Variants in RABGEF1 observed in about 807,000 individuals in gnomAD.
The protein encoded by RABGEF1 is RAB guanine nucleotide exchange factor 1.
Under a neutral mutation model 57.3 loss-of-function variants are expected in RABGEF1, and 26 were observed. The observed-to-expected ratio is 0.45, with a 90% CI of 0.33 to 0.63. RABGEF1 has a LOEUF of 0.63. Among genes scored for constraint, RABGEF1 ranks in the 20% least tolerant of loss-of-function variants. The pLI, the probability that RABGEF1 is intolerant of heterozygous loss-of-function variation, is 0.02. For synonymous variants in RABGEF1, 185 were observed against 210.7 expected (o/e 0.88, Z 1.06); for missense variants, 464 against 607.6 (o/e 0.76, Z 2.48).
At chr7:66,661,322 G>T in the RABGEF1 span, among the ~76,000 whole-genome samples, 1 of 105,530 alleles carries the variant, frequency 9.5e-6, no homozygotes, top group East Asian at 2.8e-4. Flanking sequence ...AAAAAATGAG[G>T]GCGTTACTGT....
intron 1 of RABGEF1, among the ~76,000 whole-genome samples, chr7:66,746,035 T>C (rs988537970): frequency 6.6e-5 from 10 of 152,242 alleles, no homozygotes; most frequent in Admixed American, 6.5e-5. Flanking sequence ...CATAGAGCAC[T>C]GTAGAAACAT....
intron 4 of RABGEF1, among the ~76,000 whole-genome samples, chr7:66,793,164 A>G (rs554607876): frequency 6.6e-6 from 1 of 152,278 alleles, no homozygotes; most frequent in Non-Finnish European, 1.5e-5. Flanking sequence ...CTACAGGTTG[A>G]GTATCCCTTA....
At chr7:66,700,291 T>C (rs940432705) in intron 1 of RABGEF1, among the ~76,000 whole-genome samples, 1 of 152,214 alleles carries the variant, frequency 6.6e-6, no homozygotes, top group Admixed American at 6.5e-5. Flanking sequence ...CTCTGCTCAG[T>C]CCTTAAAAGT....
At chr7:66,799,945 T>G (rs952690056) in intron 7 of RABGEF1, among the ~76,000 whole-genome samples, 12 of 152,154 alleles carry the variant, frequency 7.9e-5, no homozygotes, top group Admixed American at 7.9e-4. Context: ...ACACTGCCGT[T>G]CTAGACAGGT....
chr7:66,691,773 G>T (rs73135925), intron 1 of RABGEF1, among the ~76,000 whole-genome samples: 5 of 152,168 alleles, frequency 3.3e-5, no homozygotes, highest in Non-Finnish European at 7.4e-5. Context: ...CTAAGCTAAG[G>T]CTTGGCACCG....
In RABGEF1 at chr7:66,744,667, CAAAAAAAAAA is replaced by C. The variant is rs774941950; in HGVS notation, c.-18+3886_-18+3895del. Among the ~76,000 whole-genome samples the C allele has an allele frequency of 1.3e-3, 89 of 71,044 alleles. 1 individual carries two copies. The South Asian group carries it at 0.025, about 20-fold the overall frequency. 46.6% of individuals were successfully genotyped at this position (71,044 alleles called of 152,430 possible). On this transcript the variant is annotated intron_variant, in intron 1 of 8. Coordinates refer to ENST00000284957, the MANE Select transcript of RABGEF1 (RefSeq NM_014504.3). Reference sequence around the variant, plus strand: ...TGGGCGACAGAGCCAGACTCCGTCTCAAAAAAAAAAAAAAAAAAAAGATGCTTGACGTGAA... The same window carrying C: ...TGGGCGACAGAGCCAGACTCCGTCTCAAAAAAAAAAGATGCTTGACGTGAA...
intron 1 of RABGEF1, among the ~76,000 whole-genome samples, chr7:66,762,249 G>A (rs1222038866): frequency 6.6e-6 from 1 of 152,094 alleles, no homozygotes; most frequent in Non-Finnish European, 1.5e-5. Flanking sequence ...TGGCAGTGAG[G>A]GAGACAGACC....
chr7:66,719,939 GA>G (rs1795815628), intron 2 of RABGEF1, among the ~76,000 whole-genome samples: 1 of 151,924 alleles, frequency 6.6e-6, no homozygotes, highest in African/African-American at 2.4e-5. Context: ...AGTCTTCATG[GA>G]AAAAGATGCA....
rs546361210 is a variant in RABGEF1, at chr7:66,749,363, G to GT, written c.-18+8573dup. 4.1e-3 allele frequency among the ~76,000 whole-genome samples: 630 copies of GT among 152,268 alleles called. 4 individuals are homozygous for GT. The highest frequency in any genetic ancestry group is 0.014 in the African/African-American group (579 of 41,552). On this transcript the variant is annotated intron_variant, in intron 1 of 8. Transcript: ENST00000284957. Reference sequence around the variant, plus strand: ...GTGAAACTGCCCTTGCCTAAATATAGTTATGTAATGCTGTGTTTCCTTAAT... The same window carrying GT: ...GTGAAACTGCCCTTGCCTAAATATAGTTTATGTAATGCTGTGTTTCCTTAAT...
At chr7:66,720,196 T>A (rs1200526088) in intron 2 of RABGEF1, among the ~76,000 whole-genome samples, 5 of 70,470 alleles carry the variant, frequency 7.1e-5, no homozygotes, top group African/African-American at 2.3e-4. Context: ...TTATTATTAT[T>A]TTTTTTTTTT....
At chr7:66,698,322 T>A (rs1285615990) in intron 1 of RABGEF1, among the ~76,000 whole-genome samples, 1 of 152,084 alleles carries the variant, frequency 6.6e-6, no homozygotes, top group African/African-American at 2.4e-5. Flanking sequence ...CTCCCTCTGA[T>A]CAGAACCCCC....
chr7:66,793,276 C>T (rs1421254728), intron 4 of RABGEF1, among the ~76,000 whole-genome samples: 1 of 152,150 alleles, frequency 6.6e-6, no homozygotes, highest in African/African-American at 2.4e-5. Context: ...GACCCAAGTC[C>T]AAACACAGAA....
intron 2 of RABGEF1, among the ~76,000 whole-genome samples, chr7:66,735,178 C>T (rs1390424962): frequency 1.3e-5 from 2 of 152,140 alleles, no homozygotes; most frequent in Non-Finnish European, 2.9e-5. Context: ...CCCTCAAATG[C>T]CTGCCCCATT....
At chr7:66,744,290 T>G (rs1379825305) in intron 1 of RABGEF1, among the ~76,000 whole-genome samples, 1 of 150,674 alleles carries the variant, frequency 6.6e-6, no homozygotes, top group Admixed American at 6.6e-5. Flanking sequence ...CCTCGCACTT[T>G]GGGAGGCCAA....
At chr7:66,787,337 T>C (rs1811432048) in intron 4 of RABGEF1, among the ~76,000 whole-genome samples, 1 of 63,918 alleles carries the variant, frequency 1.6e-5, no homozygotes, top group Non-Finnish European at 3.8e-5. Context: ...CCTGGCCTGA[T>C]TTTTTTTTTT....
At chr7:66,722,292 T>G (rs1386107874) in intron 2 of RABGEF1, among the ~76,000 whole-genome samples, 6 of 151,942 alleles carry the variant, frequency 3.9e-5, no homozygotes, top group Admixed American at 1.3e-4. Context: ...ATACAAAAAT[T>G]AGCCAGGCGT....
intron 2 of RABGEF1, among the ~76,000 whole-genome samples, chr7:66,716,877 C>T (rs528507211): frequency 1.8e-4 from 28 of 152,288 alleles, no homozygotes; most frequent in Non-Finnish European, 3.2e-4. Flanking sequence ...CTCCCAGGCT[C>T]AAGTGATCCT....
At chr7:66,767,094 C>T (rs538391682) in intron 1 of RABGEF1, among the ~76,000 whole-genome samples, 40 of 151,620 alleles carry the variant, frequency 2.6e-4, no homozygotes, top group Non-Finnish European at 4.9e-4. Flanking sequence ...CCTCCATCTC[C>T]CCGGTTCATG....
intron 7 of RABGEF1, among the ~76,000 whole-genome samples, chr7:66,801,730 C>G (rs764284759): frequency 6.6e-5 from 10 of 152,200 alleles, no homozygotes; most frequent in Non-Finnish European, 1.3e-4. Flanking sequence ...CTGAATAGTA[C>G]TCCACTGTGT....
Sources: gnomAD v4.1 joint callset for allele counts (sites outside exome capture counted in the v4.1 genomes callset) on GRCh38, gnomAD v4.1.1 for gene constraint, MANE v1.5 for transcripts, NCBI Gene and HGNC (gene_info 2026-07-23, HGNC 2026-07-21) for gene names.